SYN3: variants seen among roughly 807,000 people sequenced by gnomAD.
The protein encoded by SYN3 is synapsin-3.
Under a neutral mutation model 65.8 loss-of-function variants are expected in SYN3, and 35 were observed. The observed-to-expected ratio is 0.53, with a 90% CI of 0.41 to 0.70. SYN3 has a LOEUF of 0.70. Among genes scored for constraint, SYN3 ranks in the 30% least tolerant of loss-of-function variants. The pLI is 0.00. For synonymous variants in SYN3, 270 were observed against 292.9 expected (o/e 0.92, Z 0.80); for missense variants, 680 against 749.0 (o/e 0.91, Z 1.08).
intron 6 of SYN3, among the ~76,000 whole-genome samples, chr22:32,811,671 G>A (rs995004311): frequency 4.6e-5 from 7 of 152,178 alleles, no homozygotes; most frequent in African/African-American, 1.4e-4. Flanking sequence ...ACTTCGCAAC[G>A]AGGAAAGCAG....
In SYN3 at chr22:32,809,863, C is replaced by T. The variant is rs550509194; in HGVS notation, c.711+55052G>A. ...GGTATATCGCTGTCCTTTGCCCCTC[C>T]TGAGAATCTTTAGTTTCATGCCAGC... On this transcript the variant is annotated intron_variant, in intron 6 of 13. Transcript: ENST00000358763. Among the ~76,000 whole-genome samples, 33 of 152,302 alleles carry T rather than the reference C, an allele frequency of 2.2e-4. No individual in the cohort carries two copies. In the East Asian group the frequency reaches 5.6e-3, roughly 26 times the overall value.
At chr22:32,880,354 G>A (rs1418153549) in intron 4 of SYN3, among the ~76,000 whole-genome samples, 2 of 152,180 alleles carry the variant, frequency 1.3e-5, no homozygotes, top group Non-Finnish European at 2.9e-5. Flanking sequence ...GAGGGGTGAC[G>A]GTGGTAGCTC....
intron 6 of SYN3, among the ~76,000 whole-genome samples, chr22:32,790,051 C>T (rs887578870): frequency 5.9e-5 from 9 of 152,178 alleles, no homozygotes; most frequent in Non-Finnish European, 1.0e-4. Flanking sequence ...GACGAGAATA[C>T]GGAGGCACAA....
At chr22:32,813,987 A>G (rs2046986878) in intron 6 of SYN3, among the ~76,000 whole-genome samples, 1 of 152,062 alleles carries the variant, frequency 6.6e-6, no homozygotes, top group Non-Finnish European at 1.5e-5. Context: ...CTCCCCTTAG[A>G]TGGGAGCCAA....
At chr22:32,568,082 TC>T (rs1454624864) in intron 7 of SYN3, among the ~76,000 whole-genome samples, 1 of 152,194 alleles carries the variant, frequency 6.6e-6, no homozygotes, top group Non-Finnish European at 1.5e-5. Context: ...GTTAGAATCT[TC>T]CTGGAGTTGA....
intron 6 of SYN3, among the ~76,000 whole-genome samples, chr22:32,717,884 G>C (rs545551015): frequency 6.6e-6 from 1 of 152,266 alleles, no homozygotes; most frequent in East Asian, 1.9e-4. Context: ...GCCTCACCCC[G>C]TGGCGGCCTC....
chr22:32,626,765 A>G (rs1182576779), intron 6 of SYN3, among the ~76,000 whole-genome samples: 1 of 152,170 alleles, frequency 6.6e-6, no homozygotes, highest in Non-Finnish European at 1.5e-5. Flanking sequence ...GGGTGCCCCG[A>G]GTGTGGAGGT....
At chr22:32,754,134 C>T (rs960024679) in intron 6 of SYN3, among the ~76,000 whole-genome samples, 20 of 152,032 alleles carry the variant, frequency 1.3e-4, no homozygotes, top group African/African-American at 4.6e-4. Context: ...CAGCTGATTC[C>T]CTTTCCTCCC....
chr22:32,544,988 C>G (rs1179573396), intron 7 of SYN3, among the ~76,000 whole-genome samples: 2 of 152,212 alleles, frequency 1.3e-5, no homozygotes, highest in African/African-American at 4.8e-5. Flanking sequence ...ACTTTACACT[C>G]TCTCCTCTCC....
chr22:32,965,102 C>G (rs1188839720), intron 3 of SYN3, among the ~76,000 whole-genome samples: 6 of 152,214 alleles, frequency 3.9e-5, no homozygotes, highest in African/African-American at 1.2e-4. Context: ...TCGGGCAGGA[C>G]ACTTAACCTC....
At chr22:32,710,386 T>C (rs1364502763) in intron 6 of SYN3, among the ~76,000 whole-genome samples, 1 of 151,414 alleles carries the variant, frequency 6.6e-6, no homozygotes, top group Non-Finnish European at 1.5e-5. Context: ...ATTCCAGCAG[T>C]TTGGGAGGCC....
At chr22:32,935,869 T>C (rs1392845672) in intron 3 of SYN3, among the ~76,000 whole-genome samples, 1 of 152,216 alleles carries the variant, frequency 6.6e-6, no homozygotes, top group Admixed American at 6.5e-5. Context: ...TTTAGTGAAG[T>C]TACTGATTTG....
intron 1 of SYN3, chr22:33,015,237 A>G: frequency 2.2e-6 from 1 of 452,806 alleles, no homozygotes; most frequent in African/African-American, 2.4e-5. Flanking sequence ...AAAAAAAAAA[A>G]AAAAACTACT....
intron 7 of SYN3, among the ~76,000 whole-genome samples, chr22:32,587,673 G>A (rs1293421744): frequency 6.6e-6 from 1 of 152,172 alleles, no homozygotes; most frequent in Admixed American, 6.5e-5. Context: ...CTAAGAGAAG[G>A]GATCCGAGTC....
chr22:32,688,618 C>T (rs113408144), intron 6 of SYN3, among the ~76,000 whole-genome samples: 2,934 of 152,180 alleles, frequency 0.019, 100 homozygotes, highest in African/African-American at 0.067. Flanking sequence ...GTAGCCCATG[C>T]TTCATTCCAC....
chr22:32,687,353 A>G (rs1225564814), intron 6 of SYN3, among the ~76,000 whole-genome samples: 1 of 151,424 alleles, frequency 6.6e-6, no homozygotes, highest in Non-Finnish European at 1.5e-5. Context: ...TAGTAGAGAC[A>G]GGGTTTCACC....
intron 2 of SYN3, among the ~76,000 whole-genome samples, chr22:32,983,923 G>C (rs2052443081): frequency 6.6e-6 from 1 of 152,140 alleles, no homozygotes; most frequent in South Asian, 2.1e-4. Flanking sequence ...ACTTTGGGAG[G>C]CTGAGGCAGG....
intron 1 of SYN3, among the ~76,000 whole-genome samples, chr22:33,055,179 A>G (rs1419700319): frequency 6.6e-6 from 1 of 152,258 alleles, no homozygotes. Context: ...TCCCAGAGGC[A>G]TAACAGACAA....
intron 6 of SYN3, among the ~76,000 whole-genome samples, chr22:32,616,284 C>T (rs1356499470): frequency 5.3e-5 from 8 of 152,086 alleles, no homozygotes; most frequent in Admixed American, 5.2e-4. Context: ...CTCAGTGGCC[C>T]AGGACCAGCC....
Sources: allele counts gnomAD v4.1 joint callset (sites outside exome capture counted in the v4.1 genomes callset), GRCh38; gene constraint gnomAD v4.1.1; transcripts MANE v1.5; gene names NCBI Gene and HGNC (gene_info 2026-07-23, HGNC 2026-07-21).